EPB41: variants seen among roughly 807,000 people sequenced by gnomAD.
EPB41 encodes erythrocyte membrane protein band 4.1.
EPB41 carries 65 observed loss-of-function variants against 108.0 expected under a neutral mutation model. That is an observed-to-expected ratio of 0.60 (90% confidence interval 0.49 to 0.74). The LOEUF (loss-of-function observed/expected upper bound fraction) is 0.74, where lower values mean the gene tolerates loss of function less well. EPB41 is among the 30% of genes least tolerant of loss of function. The probability of loss-of-function intolerance (pLI) is 0.00; values close to 1 mark genes in which losing one functional copy is unlikely to be tolerated. For synonymous variants in EPB41, 336 were observed against 358.9 expected (o/e 0.94, Z 0.72); for missense variants, 875 against 1,037.0 (o/e 0.84, Z 2.15).
At chr1:28,998,683 A>G (rs968668489) in intron 4 of EPB41, among the ~76,000 whole-genome samples, 1 of 152,182 alleles carries the variant, frequency 6.6e-6, no homozygotes, top group African/African-American at 2.4e-5. Context: ...CTAGGTTAAT[A>G]TTATTCTTTA....
chr1:29,066,811 T>C (rs1420218822), intron 16 of EPB41, among the ~76,000 whole-genome samples: 2 of 151,804 alleles, frequency 1.3e-5, no homozygotes, highest in Non-Finnish European at 2.9e-5. Context: ...GTAGCTGAGA[T>C]TACAGGCGCC....
At chr1:28,964,143 C>T (rs1280304460) in intron 1 of EPB41, among the ~76,000 whole-genome samples, 1 of 152,164 alleles carries the variant, frequency 6.6e-6, no homozygotes, top group African/African-American at 2.4e-5. Context: ...CCATATTTAA[C>T]ATCGTCTAAT....
chr1:28,933,543 T>G (rs1031334571), intron 1 of EPB41, among the ~76,000 whole-genome samples: 1 of 152,330 alleles, frequency 6.6e-6, no homozygotes. Flanking sequence ...TAATTTATTG[T>G]CACCTAGGAT....
At chr1:29,030,258 C>G in intron 7 of EPB41, 142 bp from the exon 8 acceptor site, 1 of 664,398 alleles carries the variant, frequency 1.5e-6, no homozygotes, top group Non-Finnish European at 2.7e-6. Context: ...TCCATAATAA[C>G]CTACTTTCAG....
chr1:29,111,578 A>G (rs767979599), intron 18 of EPB41, among the ~76,000 whole-genome samples: 14 of 151,936 alleles, frequency 9.2e-5, no homozygotes, highest in Non-Finnish European at 1.5e-4. Context: ...GTGTGAACCC[A>G]GTAGACAGAG....
In EPB41 at chr1:28,987,701, A is replaced by G. The variant is rs2095900701; in HGVS notation, c.264A>G (p.Lys88=). Residue 88 remains lysine (K), a synonymous_variant, in exon 2 of 21, where the codon AAA becomes AAG. Coordinates refer to ENST00000343067, the MANE Select transcript of EPB41 (RefSeq NM_001376013.1). ...CACGACTATTCTCCTCGTTTCTCAAAAGGCCCAAATCTCAGGTGTCCGAGG... is the reference window on the plus strand; with the variant it reads ...CACGACTATTCTCCTCGTTTCTCAAGAGGCCCAAATCTCAGGTGTCCGAGG... The part of the protein sequence containing the change: ...GLSRLFSSFL[K]RPKSQVSEEE... 3 of 1,614,212 alleles carry G rather than the reference A, an allele frequency of 1.9e-6. No homozygotes were observed. The East Asian group carries it at 6.7e-5, about 36-fold the overall frequency.
intron 1 of EPB41, among the ~76,000 whole-genome samples, chr1:28,925,127 G>A (rs748598014): frequency 1.3e-5 from 2 of 151,998 alleles, no homozygotes; most frequent in South Asian, 2.1e-4. Flanking sequence ...CACCATGCCC[G>A]GCTAATTTTT....
chr1:28,987,351 AT>A (rs1371681959), intron 1 of EPB41, 79 bp from the exon 2 acceptor site: 2 of 1,242,902 alleles, frequency 1.6e-6, no homozygotes, highest in African/African-American at 3.0e-5. Flanking sequence ...AAGTATATTA[AT>A]TTTTTAGGGT....
intron 17 of EPB41, 36 bp from the exon 18 acceptor site, chr1:29,109,300 G>A (rs1049913344): frequency 6.6e-7 from 1 of 1,524,608 alleles, no homozygotes; most frequent in African/African-American, 1.4e-5. Context: ...CAGTCTTCCT[G>A]AGAGGCATGA....
In EPB41 at chr1:29,077,259, G is replaced by A. The variant is rs531729444; in HGVS notation, c.2184+12101G>A. 3.6e-4 allele frequency among the ~76,000 whole-genome samples: 55 copies of A among 152,088 alleles called. 1 individual carries two copies. The South Asian group carries it at 0.011, about 30-fold the overall frequency. ...TGTCAGTTTCTATTGTTAATGTCTT[G>A]TAACTTGGTTCAATTAAAAGCTCTT... is the stretch of plus-strand genomic sequence containing the variant. On this transcript the variant is annotated intron_variant, in intron 16 of 20. Transcript: ENST00000343067.
intron 16 of EPB41, among the ~76,000 whole-genome samples, chr1:29,087,984 C>G (rs376318097): frequency 1.3e-5 from 2 of 150,672 alleles, no homozygotes; most frequent in East Asian, 3.9e-4. Flanking sequence ...CATTGCAGTA[C>G]TTTATATATA....
At chr1:28,957,466 G>A (rs426170) in intron 1 of EPB41, among the ~76,000 whole-genome samples, 26,055 of 152,134 alleles carry the variant, frequency 0.17, 2,767 homozygotes, top group East Asian at 0.47. Flanking sequence ...GTGCAGTGAC[G>A]TAGTCTTGGC....
intron 8 of EPB41, among the ~76,000 whole-genome samples, chr1:29,031,123 T>G (rs911060932): frequency 6.6e-6 from 1 of 152,196 alleles, no homozygotes; most frequent in African/African-American, 2.4e-5. Flanking sequence ...GTTAGCATTT[T>G]AAGTGTATCA....
At chr1:29,106,564 A>T (rs1338982600) in intron 17 of EPB41, among the ~76,000 whole-genome samples, 172 of 50,800 alleles carry the variant, frequency 3.4e-3, no homozygotes, top group East Asian at 9.7e-3. Context: ...AGTAGCTGGG[A>T]TTTTTTTTTT....
chr1:29,049,793 T>C (rs1644169426), intron 11 of EPB41, among the ~76,000 whole-genome samples: 1 of 152,230 alleles, frequency 6.6e-6, no homozygotes, highest in Non-Finnish European at 1.5e-5. Context: ...TTTTTCTTTA[T>C]GTAGACCCTC....
chr1:29,035,820 T>C lies in EPB41; in HGVS notation c.1366-6T>C, dbSNP rs768377224. ...TCATGTCCCATGTTTATTTGTGTTT[T>C]TGTAGCAAGAGCAGTATGAAAGTAC... On this transcript the variant is annotated splice_region_variant and splice_polypyrimidine_tract_variant and intron_variant, in intron 9 of 20. Coordinates refer to ENST00000343067, the MANE Select transcript of EPB41 (RefSeq NM_001376013.1). 3 of 1,609,590 alleles carry C rather than the reference T, an allele frequency of 1.9e-6. No homozygotes were observed. The East Asian group carries it at 6.7e-5, about 36-fold the overall frequency.
At chr1:28,959,980 C>A (rs887189563) in intron 1 of EPB41, among the ~76,000 whole-genome samples, 1 of 150,238 alleles carries the variant, frequency 6.7e-6, no homozygotes, top group Non-Finnish European at 1.5e-5. Context: ...CTTCTTGAGG[C>A]CCTTTCTTTT....
intron 11 of EPB41, among the ~76,000 whole-genome samples, chr1:29,049,994 G>A (rs908280425): frequency 3.9e-5 from 6 of 152,192 alleles, no homozygotes; most frequent in Non-Finnish European, 8.8e-5. Flanking sequence ...TGTGTGGTAT[G>A]TGAATTGTAT....
intron 7 of EPB41, among the ~76,000 whole-genome samples, chr1:29,028,511 G>A (rs1484736637): frequency 2.6e-5 from 4 of 152,096 alleles, no homozygotes; most frequent in Non-Finnish European, 5.9e-5. Flanking sequence ...CTAGAAATAC[G>A]CATTATTATG....
Sources: gnomAD v4.1 joint callset for allele counts (sites outside exome capture counted in the v4.1 genomes callset) on GRCh38, gnomAD v4.1.1 for gene constraint, MANE v1.5 for transcripts, NCBI Gene and HGNC (gene_info 2026-07-23, HGNC 2026-07-21) for gene names.